The following PCLO variants were observed in gnomAD, a reference collection of about 807,000 sequenced individuals.
PCLO encodes protein piccolo.
PCLO carries 82 observed loss-of-function variants against 427.5 expected under a neutral mutation model. The observed-to-expected ratio is 0.19, with a 90% CI of 0.16 to 0.23. The LOEUF (loss-of-function observed/expected upper bound fraction) is 0.23, where lower values mean the gene tolerates loss of function less well. PCLO is among the 10% of genes least tolerant of loss of function. The pLI is 1.00. For missense variants in PCLO, 6,239 were observed against 6,115.9 expected (o/e 1.02, Z -0.67); for synonymous variants, 2,357 against 2,155.4 (o/e 1.09, Z -2.59).
In PCLO at chr7:82,966,236, T is replaced by G; in HGVS notation, c.3552A>C (p.Lys1184Asn). 2 of 1,611,182 alleles carry G rather than the reference T, an allele frequency of 1.2e-6. No homozygotes were observed. Among genetic ancestry groups the G allele is most frequent in the Non-Finnish European group, 1.7e-6 (2 of 1,179,280 alleles). The change falls in exon 4 of 25, where the codon AAA becomes AAC. Residue 1184 changes from lysine to asparagine, a missense_variant. This residue lies in a region of PCLO where 4,677 missense variants were observed against 4,468.4 expected (regional missense o/e 1.05). Coordinates refer to ENST00000333891, the MANE Select transcript of PCLO (RefSeq NM_033026.6). ...GATCTGTGGTTACCATAGGAGGAATTTTTTCCATTGATAGTGTTTCCTTTA... is the reference window on the plus strand; with the variant it reads ...GATCTGTGGTTACCATAGGAGGAATGTTTTCCATTGATAGTGTTTCCTTTA... ...EKVKETLSME[K>N]IPPMVTTDQK...
At chr7:83,044,693 T>C (rs1789062486) in intron 3 of PCLO, among the ~76,000 whole-genome samples, 1 of 152,090 alleles carries the variant, frequency 6.6e-6, no homozygotes, top group Non-Finnish European at 1.5e-5. Context: ...ATTATACTGA[T>C]TGGTAATTTG....
chr7:83,103,007 A>AGGAATTTGGAACCATTACTATAGT (rs140473409), intron 3 of PCLO, among the ~76,000 whole-genome samples: 1 of 151,330 alleles, frequency 6.6e-6, no homozygotes, highest in African/African-American at 2.4e-5. Flanking sequence ...TCCCTTCCTG[A>AGGAATTTGGAACCATTACTATAGT]GATATTTTAC....
intron 2 of PCLO, among the ~76,000 whole-genome samples, chr7:83,138,922 C>T (rs887933658): frequency 1.3e-4 from 20 of 151,698 alleles, no homozygotes; most frequent in Non-Finnish European, 2.2e-4. Flanking sequence ...ACGTGTATAT[C>T]TATGTAACAC....
rs191003998 is a variant in PCLO at position 83,124,337 on chromosome 7, G to A, written c.3300+9913C>T. On this transcript the variant is annotated intron_variant, in intron 3 of 24. Transcript: ENST00000333891. ...CCACTGTACTCCAGCCTGGGCGGAA[G>A]AGCGAGACTCCGTCTCAAAAAAAAA... Among the ~76,000 whole-genome samples the A allele has an allele frequency of 3.3e-3, 474 of 142,010 alleles. 6 individuals are homozygous for A. Among genetic ancestry groups the A allele is most frequent in the African/African-American group, 0.012 (463 of 37,878 alleles). 93.2% of individuals were successfully genotyped at this position (142,010 alleles called of 152,430 possible). A position where few individuals can be genotyped will look rare whatever the true frequency, so the allele number is the denominator to read the frequency against.
At chr7:82,860,935 G>T (rs1409632577) in intron 10 of PCLO, among the ~76,000 whole-genome samples, 1 of 151,644 alleles carries the variant, frequency 6.6e-6, no homozygotes, top group East Asian at 1.9e-4. Flanking sequence ...CAAGCCTCAA[G>T]GTAACCTCAA....
intron 15 of PCLO, among the ~76,000 whole-genome samples, chr7:82,837,451 G>A (rs1405936774): frequency 2.0e-5 from 3 of 151,954 alleles, no homozygotes; most frequent in Non-Finnish European, 4.4e-5. Flanking sequence ...TCCATTTGTT[G>A]ATCTTATGTT....
intron 3 of PCLO, among the ~76,000 whole-genome samples, chr7:83,066,547 T>G (rs2116335185): frequency 6.6e-6 from 1 of 152,314 alleles, no homozygotes; most frequent in African/African-American, 2.4e-5. Context: ...CAATTTTAAT[T>G]CATTTTTATT....
At chr7:83,087,758 A>G (rs1231692338) in intron 3 of PCLO, among the ~76,000 whole-genome samples, 1 of 152,124 alleles carries the variant, frequency 6.6e-6, no homozygotes, top group Admixed American at 6.5e-5. Flanking sequence ...AAAATGAGTT[A>G]TATCAGGCAA....
intron 14 of PCLO, among the ~76,000 whole-genome samples, chr7:82,839,239 C>A (rs1394972105): frequency 6.6e-6 from 1 of 151,944 alleles, no homozygotes; most frequent in Non-Finnish European, 1.5e-5. Context: ...TTAAAATAAT[C>A]CATATAAAAC....
chr7:83,149,810 G>A (rs962985656), intron 2 of PCLO, among the ~76,000 whole-genome samples: 5 of 152,202 alleles, frequency 3.3e-5, no homozygotes, highest in Admixed American at 1.3e-4. Context: ...TAACCCAACT[G>A]AAGAATTTCA....
At chr7:82,962,783 C>A (rs1042364324) in intron 4 of PCLO, among the ~76,000 whole-genome samples, 2 of 151,836 alleles carry the variant, frequency 1.3e-5, no homozygotes, top group African/African-American at 4.8e-5. Context: ...ATGTGAAAAA[C>A]ATTTATTCAT....
chr7:83,103,267 G>T (rs17819684), intron 3 of PCLO, among the ~76,000 whole-genome samples: 54,654 of 151,596 alleles, frequency 0.36, 10,701 homozygotes, highest in East Asian at 0.64. Context: ...AAAACTGGTA[G>T]GAACTCTTAT....
At chr7:83,096,048 A>ATACAT (rs3039478) in intron 3 of PCLO, among the ~76,000 whole-genome samples, 3,075 of 151,684 alleles carry the variant, frequency 0.02, 118 homozygotes, top group African/African-American at 0.071. Context: ...GTTTTTGAAA[A>ATACAT]TTAATGTTAT....
In PCLO at chr7:83,043,907, A is replaced by ATTTTC. The variant is rs1462845791; in HGVS notation, c.3301-77425_3301-77421dup. On this transcript the variant is annotated intron_variant, in intron 3 of 24. Coordinates refer to ENST00000333891, the MANE Select transcript of PCLO (RefSeq NM_033026.6). Reference sequence around the variant, plus strand: ...GCCTTAACTCAATCTTATTACTATTATTTTCTTTTTTTTTTTTTTTTTTTT... The same window carrying ATTTTC: ...GCCTTAACTCAATCTTATTACTATTATTTTCTTTTCTTTTTTTTTTTTTTTTTTTT... Among the ~76,000 whole-genome samples the ATTTTC allele has an allele frequency of 9.8e-3, 574 of 58,744 alleles. 28 individuals carry two copies. The highest frequency in any genetic ancestry group is 0.014 in the Non-Finnish European group (447 of 32,816). 38.5% of individuals were successfully genotyped at this position (58,744 alleles called of 152,430 possible).
intron 9 of PCLO, among the ~76,000 whole-genome samples, chr7:82,883,480 A>G (rs1202620662): frequency 6.6e-6 from 1 of 152,174 alleles, no homozygotes; most frequent in Non-Finnish European, 1.5e-5. Context: ...TAATTCTCAA[A>G]CATGAAGACC....
intron 3 of PCLO, among the ~76,000 whole-genome samples, chr7:82,968,002 TCA>T (rs1276018640): frequency 6.6e-6 from 1 of 152,222 alleles, no homozygotes; most frequent in African/African-American, 2.4e-5. Flanking sequence ...GATAAAAAAA[TCA>T]CTTATTGCTC....
At chr7:83,028,083 C>A (rs1583926840) in intron 3 of PCLO, among the ~76,000 whole-genome samples, 1 of 149,818 alleles carries the variant, frequency 6.7e-6, no homozygotes, top group East Asian at 2.0e-4. Context: ...TCCTATTCAA[C>A]ATAGTGTTGG....
At chr7:83,019,283 G>A (rs1037851331) in intron 3 of PCLO, among the ~76,000 whole-genome samples, 4 of 151,888 alleles carry the variant, frequency 2.6e-5, no homozygotes, top group Non-Finnish European at 4.4e-5. Flanking sequence ...AATCTTTTGC[G>A]GGGTAGAGTA....
intron 3 of PCLO, among the ~76,000 whole-genome samples, chr7:83,027,329 T>A (rs1437242201): frequency 6.6e-6 from 1 of 151,690 alleles, no homozygotes; most frequent in East Asian, 1.9e-4. Flanking sequence ...TACAAACACC[T>A]CTACGCAAAT....
Sources: gnomAD v4.1 joint callset for allele counts (sites outside exome capture counted in the v4.1 genomes callset) on GRCh38, gnomAD v4.1.1 for gene constraint, gnomAD v4.1.1 regional missense constraint, MANE v1.5 for transcripts, NCBI Gene and HGNC (gene_info 2026-07-23, HGNC 2026-07-21) for gene names.